The following RAB7B variants were observed in gnomAD, a reference collection of about 807,000 sequenced individuals.
The protein encoded by RAB7B is ras-related protein Rab-7b.
At position 205,976,771 on chromosome 1, in the gene RAB7B, T is replaced by C. The variant is rs1660383937; in HGVS notation, c.*2080A>G. 1 of 152,240 alleles carries C rather than the reference T, an allele frequency of 6.6e-6. No homozygotes were observed. Among genetic ancestry groups the C allele is most frequent in the African/African-American group, 2.4e-5 (1 of 41,466 alleles). 9.4% of individuals were successfully genotyped at this position (152,240 alleles called of 1,614,324 possible). The stretch of plus-strand genomic sequence containing the variant: ...CAAAGAAGGACACATTTATTATTTG[T>C]TGTGCACCTTTAGAAATGGTCCACA... On this transcript the variant is annotated 3_prime_UTR_variant, in exon 6 of 6. Transcript: ENST00000617070.
intron 1 of RAB7B, among the ~76,000 whole-genome samples, chr1:205,994,637 C>T (rs1660779460): frequency 6.6e-6 from 1 of 152,240 alleles, no homozygotes; most frequent in African/African-American, 2.4e-5. Context: ...AAAGGCTCCT[C>T]TCTAATGCAG....
chr1:205,991,101 T>C (rs2102639209), intron 4 of RAB7B, among the ~76,000 whole-genome samples: 1 of 152,286 alleles, frequency 6.6e-6, no homozygotes, highest in Non-Finnish European at 1.5e-5. Flanking sequence ...CAAGCCAAAT[T>C]AGAATTGCTC....
chr1:205,980,257 G>T (rs1358458501), intron 5 of RAB7B, among the ~76,000 whole-genome samples: 2 of 152,086 alleles, frequency 1.3e-5, no homozygotes, highest in African/African-American at 2.4e-5. Context: ...GTAGGTGTGA[G>T]AAATGTCCTC....
rs887310153 is a variant in RAB7B, at chr1:205,978,984, C to T, written c.523-56G>A. On this transcript the variant is annotated intron_variant, in intron 5 of 5. Transcript: ENST00000617070. ...GTCCTGAGATACAGAGTGCACCGCC[C>T]GCCCTTCATTTCTTAGTGGGCCTCA... The T allele has an allele frequency of 1.4e-3, 565 of 398,194 alleles. 3 individuals carry two copies. Among genetic ancestry groups the T allele is most frequent in the African/African-American group, 0.011 (528 of 48,740 alleles). The allele number at this position is 398,194 out of a possible 1,614,324, so 24.7% of individuals were successfully genotyped here.
At position 205,998,688 on chromosome 1, in the gene RAB7B, G is replaced by A. The variant is rs929235196; in HGVS notation, c.-16-4537C>T. ...CGACCATGCAGCAGGGCTGGAGTAC[G>A]TCTCACGTTACAAGCTAACATTTGT... is the stretch of plus-strand genomic sequence containing the variant. On this transcript the variant is annotated intron_variant, in intron 1 of 5. Transcript: ENST00000617070. 8.5e-4 allele frequency among the ~76,000 whole-genome samples: 130 copies of A among 152,326 alleles called. No individual in the cohort carries two copies. In the Middle Eastern group the frequency reaches 0.01, roughly 12 times the overall value.
chr1:205,983,448 C>T (rs1256872739), intron 5 of RAB7B, among the ~76,000 whole-genome samples: 2 of 152,214 alleles, frequency 1.3e-5, no homozygotes, highest in Non-Finnish European at 2.9e-5. Context: ...CCCCACAGCA[C>T]TCATGTCACT....
At position 205,996,029 on chromosome 1, in the gene RAB7B, T is replaced by A. The variant is rs932594721; in HGVS notation, c.-16-1878A>T. On this transcript the variant is annotated intron_variant, in intron 1 of 5. Coordinates refer to ENST00000617070, the MANE Select transcript of RAB7B (RefSeq NM_001164522.3). ...CTGTCAATTAAAAAATGTAAGTTAT[T>A]CTGGTTGGTAGGAAATTACATTATT... 7.2e-5 allele frequency among the ~76,000 whole-genome samples: 11 copies of A among 152,272 alleles called. 1 individual carries two copies. Among genetic ancestry groups the A allele is most frequent in the African/African-American group, 2.6e-4 (11 of 41,548 alleles).
intron 4 of RAB7B, among the ~76,000 whole-genome samples, chr1:205,988,656 T>C (rs1344305245): frequency 1.3e-5 from 2 of 152,232 alleles, no homozygotes; most frequent in African/African-American, 4.8e-5. Context: ...ATTTCCATTA[T>C]GGAAATCACA....
At chr1:205,984,604 G>A (rs1049091965) in intron 5 of RAB7B, among the ~76,000 whole-genome samples, 12 of 152,082 alleles carry the variant, frequency 7.9e-5, no homozygotes, top group East Asian at 1.9e-4. Flanking sequence ...TCAGACTGAC[G>A]TTAAAACCAC....
chr1:205,987,355 G>A (rs1181749764), intron 4 of RAB7B, among the ~76,000 whole-genome samples: 6 of 152,200 alleles, frequency 3.9e-5, no homozygotes, highest in African/African-American at 1.4e-4. Flanking sequence ...TTCTGAAAGT[G>A]TTACTTGCAT....
At chr1:205,993,020 C>T (rs925808002) in intron 3 of RAB7B, among the ~76,000 whole-genome samples, 25 of 152,310 alleles carry the variant, frequency 1.6e-4, no homozygotes, top group African/African-American at 5.8e-4. Context: ...GATCACCTGC[C>T]AGGTTTTCCA....
chr1:205,994,457 T>C (rs1660776942), intron 1 of RAB7B: 1 of 195,684 alleles, frequency 5.1e-6, no homozygotes, highest in Non-Finnish European at 1.0e-5. Context: ...AGGACAGGAT[T>C]AAACAGAGGC....
chr1:206,000,690 C>T (rs1660878097), intron 1 of RAB7B, among the ~76,000 whole-genome samples: 1 of 152,194 alleles, frequency 6.6e-6, no homozygotes, highest in Admixed American at 6.5e-5. Context: ...AGGCCAGGGC[C>T]CTGGTTGGTC....
chr1:205,997,228 G>A (rs889771827), intron 1 of RAB7B, among the ~76,000 whole-genome samples: 15 of 152,158 alleles, frequency 9.9e-5, no homozygotes, highest in Non-Finnish European at 1.6e-4. Flanking sequence ...TAGACACTGG[G>A]AACAGCACAG....
At chr1:205,999,376 T>C (rs1450538276) in intron 1 of RAB7B, among the ~76,000 whole-genome samples, 2 of 152,252 alleles carry the variant, frequency 1.3e-5, no homozygotes, top group African/African-American at 2.4e-5. Flanking sequence ...TTTGAAAAGA[T>C]ACTCAACCTT....
intron 4 of RAB7B, among the ~76,000 whole-genome samples, chr1:205,992,158 A>T (rs1038179918): frequency 4.6e-4 from 70 of 152,262 alleles, no homozygotes; most frequent in African/African-American, 1.6e-3. Context: ...TTCTCAGCTT[A>T]TATCATGCTG....
At position 206,001,195 on chromosome 1, in the gene RAB7B, C is replaced by T. The variant is rs1347896864; in HGVS notation, c.-17+2058G>A. Among the ~76,000 whole-genome samples the T allele has an allele frequency of 4.6e-5, 7 of 151,900 alleles. No individual in the cohort carries two copies. The East Asian group carries it at 1.4e-3, about 29-fold the overall frequency. ...GTTTGTGGGGTGACGCAGCCTGGCTCACCTAGGAGGCACACGCAGATCTCA... is the reference window on the plus strand; with the variant it reads ...GTTTGTGGGGTGACGCAGCCTGGCTTACCTAGGAGGCACACGCAGATCTCA... On this transcript the variant is annotated intron_variant, in intron 1 of 5. Coordinates refer to ENST00000617070, the MANE Select transcript of RAB7B (RefSeq NM_001164522.3).
chr1:205,992,125 T>C (rs942155120), intron 4 of RAB7B, among the ~76,000 whole-genome samples: 3 of 152,310 alleles, frequency 2.0e-5, no homozygotes, highest in African/African-American at 7.2e-5. Flanking sequence ...CCTTTCCCTG[T>C]CTCTGGACAA....
At chr1:205,984,194 G>C (rs1660549402) in intron 5 of RAB7B, 1 of 152,300 alleles carries the variant, frequency 6.6e-6, no homozygotes, top group African/African-American at 2.4e-5. Flanking sequence ...CCTTTCCCGA[G>C]ACAGTGAGGG....
Sources: allele counts gnomAD v4.1 joint callset (sites outside exome capture counted in the v4.1 genomes callset), GRCh38; gene constraint gnomAD v4.1.1; transcripts MANE v1.5; gene names NCBI Gene and HGNC (gene_info 2026-07-23, HGNC 2026-07-21).